Variants in IL1RAPL2 observed in about 807,000 individuals in gnomAD.
The protein encoded by IL1RAPL2 is X-linked interleukin-1 receptor accessory protein-like 2.
In IL1RAPL2, 3 loss-of-function variants were observed where a neutral mutation model predicts 44.1. That is an observed-to-expected ratio of 0.07 (90% CI 0.03 to 0.18). The LOEUF (loss-of-function observed/expected upper bound fraction) is 0.18. IL1RAPL2 is among the 10% of genes least tolerant of loss of function. The probability of loss-of-function intolerance (pLI) is 1.00; values close to 1 mark genes in which losing one functional copy is unlikely to be tolerated. For missense variants in IL1RAPL2, 391 were observed against 496.4 expected (o/e 0.79, Z 2.02); for synonymous variants, 181 against 178.8 (o/e 1.01, Z -0.10).
intron 2 of IL1RAPL2, among the ~76,000 whole-genome samples, chrX:104,955,691 C>A (rs955373591): frequency 4.5e-5 from 5 of 110,136 alleles, no homozygotes; most frequent in African/African-American, 1.7e-4. Flanking sequence ...AATTCTATAG[C>A]ATTCTCAGAC....
intron 8 of IL1RAPL2, among the ~76,000 whole-genome samples, chrX:105,745,039 C>T (rs1317244697): frequency 1.8e-5 from 2 of 111,310 alleles, no homozygotes; most frequent in East Asian, 5.7e-4. Flanking sequence ...AATTTTTAAA[C>T]ATTACAAATT....
chrX:104,926,133 A>G (rs1441964973), intron 2 of IL1RAPL2, among the ~76,000 whole-genome samples: 1 of 111,844 alleles, frequency 8.9e-6, no homozygotes, highest in Non-Finnish European at 1.9e-5. Context: ...AGCTCCATCA[A>G]AGGAGTGCTG....
intron 2 of IL1RAPL2, among the ~76,000 whole-genome samples, chrX:105,047,526 G>A (rs1198044810): frequency 4.5e-5 from 5 of 111,780 alleles, no homozygotes; most frequent in African/African-American, 6.5e-5. Flanking sequence ...GTTAGGTTGA[G>A]TGTTAATGGT....
intron 6 of IL1RAPL2, among the ~76,000 whole-genome samples, chrX:105,537,832 G>A (rs2036688654): frequency 9.1e-6 from 1 of 110,213 alleles, no homozygotes; most frequent in Admixed American, 9.7e-5. Flanking sequence ...CTATCTCCCT[G>A]TCCTCAAATC....
intron 4 of IL1RAPL2, among the ~76,000 whole-genome samples, chrX:105,243,351 A>G (rs2227061): frequency 0.14 from 15,045 of 108,042 alleles, 2,063 homozygotes; most frequent in African/African-American, 0.42. Context: ...TTTCCCCTTC[A>G]TCTTCTGCCG....
Position 105,667,281 on chromosome X carries a change from C to G in IL1RAPL2, c.773-50086C>G, listed in dbSNP as rs112611420. 6.7e-3 allele frequency among the ~76,000 whole-genome samples: 753 copies of G among 111,949 alleles called. 6 individuals are homozygous for G. Among genetic ancestry groups the G allele is most frequent in the African/African-American group, 0.023 (706 of 30,789 alleles). On this transcript the variant is annotated intron_variant, in intron 6 of 10. Transcript: ENST00000372582. ...AACCCCTCAGAGATACCGTCTAAAA[C>G]TTCAGGACCGGGTAAAGCAGTTAAG...
In IL1RAPL2 at chrX:104,831,791, G is replaced by A. The variant is rs897901017; in HGVS notation, c.82+172796G>A. On this transcript the variant is annotated intron_variant, in intron 2 of 10. Coordinates refer to ENST00000372582, the MANE Select transcript of IL1RAPL2 (RefSeq NM_017416.2). ...CCAACTTTTCATCAAAAGCCATTGC[G>A]GGTAGCTTTCTTCATGTATCATCTA... Among the ~76,000 whole-genome samples, 8 of 111,259 alleles carry A rather than the reference G, an allele frequency of 7.2e-5. No individual in the cohort carries two copies. In the East Asian group the frequency reaches 1.7e-3, roughly 23 times the overall value.
chrX:104,785,244 G>A (rs764191998), intron 2 of IL1RAPL2, among the ~76,000 whole-genome samples: 13 of 111,350 alleles, frequency 1.2e-4, no homozygotes, highest in African/African-American at 4.2e-4. Context: ...TCAAACTCCT[G>A]GACTCAAGCA....
intron 5 of IL1RAPL2, among the ~76,000 whole-genome samples, chrX:105,302,364 C>T (rs1370082184): frequency 8.9e-6 from 1 of 111,898 alleles, no homozygotes; most frequent in African/African-American, 3.3e-5. Flanking sequence ...CACTTCTTAA[C>T]TTAATGTGAA....
intron 5 of IL1RAPL2, among the ~76,000 whole-genome samples, chrX:105,332,844 C>T (rs112513205): frequency 0.062 from 6,912 of 110,986 alleles, 502 homozygotes; most frequent in African/African-American, 0.21. Context: ...AACTGCAAAA[C>T]GCTGATGAAA....
At position 105,373,103 on chromosome X, in the gene IL1RAPL2, C is replaced by T. The variant is rs2035356991; in HGVS notation, c.697+105562C>T. The stretch of plus-strand genomic sequence containing the variant: ...TTTGAGTAAGTGTCACACTGTTTTC[C>T]ACAACAGCTAAACTAATTTACATTC... On this transcript the variant is annotated intron_variant, in intron 5 of 10. Transcript: ENST00000372582. Among the ~76,000 whole-genome samples the T allele has an allele frequency of 2.7e-5, 3 of 112,658 alleles. No individual in the cohort carries two copies. The Admixed American group carries it at 2.8e-4, about 11-fold the overall frequency.
rs777460770 is a variant in IL1RAPL2, at chrX:104,967,494, T to C, written c.83-227981T>C. Among the ~76,000 whole-genome samples the C allele has an allele frequency of 1.4e-3, 140 of 103,087 alleles. 2 individuals carry two copies. The highest frequency in any genetic ancestry group is 4.2e-3 in the African/African-American group (120 of 28,559). The allele number at this position is 103,087 out of a possible 115,157, so 89.5% of individuals were successfully genotyped here. A position where few individuals can be genotyped will look rare whatever the true frequency, so the allele number is the denominator to read the frequency against. ...TGAGCTAAGTTTCAGTTCTAAAAGTTAGCAAAAGAACAAAATAAACACAAA... is the reference window on the plus strand; with the variant it reads ...TGAGCTAAGTTTCAGTTCTAAAAGTCAGCAAAAGAACAAAATAAACACAAA... On this transcript the variant is annotated intron_variant, in intron 2 of 10. Transcript: ENST00000372582.
chrX:104,607,389 G>A (rs1484792533), intron 1 of IL1RAPL2, among the ~76,000 whole-genome samples: 1 of 112,017 alleles, frequency 8.9e-6, no homozygotes, highest in Non-Finnish European at 1.9e-5. Context: ...ATTGACGTGG[G>A]ATCTGATTAA....
At chrX:105,206,410 G>C (rs1451989600) in intron 3 of IL1RAPL2, among the ~76,000 whole-genome samples, 1 of 111,700 alleles carries the variant, frequency 9.0e-6, no homozygotes, top group Non-Finnish European at 1.9e-5. Flanking sequence ...AAATGATGGA[G>C]CTGGGATTTG....
At chrX:104,895,471 A>T (rs1009378722) in intron 2 of IL1RAPL2, among the ~76,000 whole-genome samples, 1 of 112,732 alleles carries the variant, frequency 8.9e-6, no homozygotes, top group African/African-American at 3.2e-5. Flanking sequence ...TACCTACTCA[A>T]GCCTCAGCAA....
intron 6 of IL1RAPL2, among the ~76,000 whole-genome samples, chrX:105,563,339 TA>T (rs1466020847): frequency 9.0e-6 from 1 of 111,538 alleles, no homozygotes; most frequent in Non-Finnish European, 1.9e-5. Flanking sequence ...CCCATCCTTG[TA>T]GTCACTATAA....
At chrX:105,656,099 C>G in intron 6 of IL1RAPL2, among the ~76,000 whole-genome samples, 1 of 111,673 alleles carries the variant, frequency 9.0e-6, no homozygotes, top group East Asian at 2.8e-4. Flanking sequence ...CCATCCCTAC[C>G]TCCCTCCCAA....
chrX:104,924,031 AC>A (rs1924711399), intron 2 of IL1RAPL2, among the ~76,000 whole-genome samples: 1 of 64,012 alleles, frequency 1.6e-5, no homozygotes, highest in Non-Finnish European at 3.1e-5. Context: ...ATTAAAACAC[AC>A]TATAACAATA....
chrX:104,741,657 A>T (rs1360530589), intron 2 of IL1RAPL2, among the ~76,000 whole-genome samples: 1 of 111,006 alleles, frequency 9.0e-6, no homozygotes, highest in South Asian at 3.7e-4. Flanking sequence ...ACTTAAAAAC[A>T]TGTCAACCAG....
Sources: allele counts gnomAD v4.1 joint callset (sites outside exome capture counted in the v4.1 genomes callset), GRCh38; gene constraint gnomAD v4.1.1; transcripts MANE v1.5; gene names NCBI Gene and HGNC (gene_info 2026-07-23, HGNC 2026-07-21).